The following FAM107B variants were observed in gnomAD, a reference collection of about 807,000 sequenced individuals.
FAM107B encodes the protein protein FAM107B.
A neutral mutation model predicts 31.5 loss-of-function variants in FAM107B; 21 were observed. That is an observed-to-expected ratio of 0.67 (90% CI 0.47 to 0.96). The LOEUF (loss-of-function observed/expected upper bound fraction) is 0.96, where lower values mean the gene tolerates loss of function less well. FAM107B is among the 40% of genes least tolerant of loss of function. The pLI, the probability that FAM107B is intolerant of heterozygous loss-of-function variation, is 0.00. For missense variants in FAM107B, 452 were observed against 377.1 expected, an observed-to-expected ratio of 1.20 and a Z score of -1.64; for synonymous variants, 157 against 141.5, an observed-to-expected ratio of 1.11 and a Z score of -0.78.
intron 2 of FAM107B, among the ~76,000 whole-genome samples, chr10:14,634,362 T>TG (rs1322030295): frequency 2.0e-5 from 3 of 147,600 alleles, no homozygotes; most frequent in African/African-American, 7.6e-5. Flanking sequence ...AGCATGCCAC[T>TG]GCACTCCAGC....
intron 1 of FAM107B, among the ~76,000 whole-genome samples, chr10:14,760,840 C>T (rs1001245227): frequency 2.6e-5 from 4 of 151,696 alleles, no homozygotes; most frequent in African/African-American, 4.8e-5. Context: ...GGTGAAACCC[C>T]GTCTCTACTA....
chr10:14,722,430 T>C (rs190401140), intron 1 of FAM107B, among the ~76,000 whole-genome samples: 2 of 152,364 alleles, frequency 1.3e-5, no homozygotes, highest in African/African-American at 2.4e-5. Flanking sequence ...ATGCTGCTTT[T>C]CCATATATCA....
intron 2 of FAM107B, among the ~76,000 whole-genome samples, chr10:14,630,603 C>T (rs781240945): frequency 2.6e-5 from 4 of 152,070 alleles, no homozygotes; most frequent in East Asian, 1.9e-4. Flanking sequence ...GTGGGAGGAT[C>T]GCTTGAGCCC....
At chr10:14,710,757 G>C (rs1168216726) in intron 1 of FAM107B, among the ~76,000 whole-genome samples, 2 of 152,042 alleles carry the variant, frequency 1.3e-5, no homozygotes, top group Non-Finnish European at 2.9e-5. Context: ...CAAGATTATA[G>C]AGTATGGATA....
intron 1 of FAM107B, among the ~76,000 whole-genome samples, chr10:14,671,883 AAC>A (rs72438653): frequency 0.43 from 41,885 of 97,168 alleles, 6,710 homozygotes; most frequent in Non-Finnish European, 0.5. Flanking sequence ...AAAAAAAAAA[AAC>A]AAAAAAACAA....
chr10:14,694,165 G>A lies in FAM107B; in HGVS notation c.412-26474C>T, dbSNP rs185832027. Reference sequence around the variant, plus strand: ...CCATAGCTTAGCTAGTAGGAATAATGCTGCAGGGAACCTGAGGGTAAAGAT... The same window carrying A: ...CCATAGCTTAGCTAGTAGGAATAATACTGCAGGGAACCTGAGGGTAAAGAT... On this transcript the variant is annotated intron_variant, in intron 1 of 4. Coordinates refer to ENST00000181796, the MANE Select transcript of FAM107B (RefSeq NM_031453.4). Among the ~76,000 whole-genome samples the A allele has an allele frequency of 1.0e-3, 156 of 152,312 alleles. 1 individual carries two copies. Among genetic ancestry groups the A allele is most frequent in the Non-Finnish European group, 1.9e-3 (127 of 68,020 alleles).
At chr10:14,602,175 G>C (rs545042107) in intron 2 of FAM107B, among the ~76,000 whole-genome samples, 2 of 152,234 alleles carry the variant, frequency 1.3e-5, no homozygotes, top group South Asian at 4.1e-4. Context: ...TTCACTCACA[G>C]GCTACTACTG....
chr10:14,613,274 T>A (rs1442121016), intron 2 of FAM107B, among the ~76,000 whole-genome samples: 3 of 152,144 alleles, frequency 2.0e-5, no homozygotes, highest in Admixed American at 2.0e-4. Context: ...ACCGAGCCCA[T>A]AAACTTTCAA....
At chr10:14,550,601 C>T (rs905937806) in intron 2 of FAM107B, among the ~76,000 whole-genome samples, 2 of 152,200 alleles carry the variant, frequency 1.3e-5, no homozygotes, top group African/African-American at 4.8e-5. Context: ...AAATGCTCCA[C>T]CTGATACGAA....
At chr10:14,726,508 C>G (rs1856039838) in intron 1 of FAM107B, among the ~76,000 whole-genome samples, 2 of 152,146 alleles carry the variant, frequency 1.3e-5, no homozygotes, top group African/African-American at 4.8e-5. Context: ...GACAGTCAAG[C>G]ATTTGTCAGG....
Position 14,679,761 on chromosome 10 carries a change from G to T in FAM107B, c.412-12070C>A, listed in dbSNP as rs538990442. 7.2e-5 allele frequency among the ~76,000 whole-genome samples: 11 copies of T among 152,290 alleles called. No homozygotes were observed. In the South Asian group the frequency reaches 1.7e-3, roughly 23 times the overall value. On this transcript the variant is annotated intron_variant, in intron 1 of 4. Transcript: ENST00000181796. ...AAAGGAGATTAACATTTGAGACAGT[G>T]GACTGGGAAAGGCAGACCCACCCTC...
At chr10:14,646,526 G>A (rs1236324213) in intron 2 of FAM107B, among the ~76,000 whole-genome samples, 4 of 152,262 alleles carry the variant, frequency 2.6e-5, no homozygotes, top group South Asian at 4.1e-4. Context: ...TAGCTGAGGC[G>A]TATTCCATAG....
At chr10:14,717,972 GT>G (rs1210639141) in intron 1 of FAM107B, among the ~76,000 whole-genome samples, 1 of 152,306 alleles carries the variant, frequency 6.6e-6, no homozygotes, top group Non-Finnish European at 1.5e-5. Context: ...TTGGAGGAAA[GT>G]TTTTAGCTAA....
chr10:14,572,739 T>TTTATATATATATATATATA (rs1325278545), intron 2 of FAM107B, among the ~76,000 whole-genome samples: 23 of 91,964 alleles, frequency 2.5e-4, no homozygotes, highest in Admixed American at 7.3e-4. Context: ...AAAAAAAAAT[T>TTTATATATATATATATATA]TATATATATA....
intron 3 of FAM107B, chr10:14,529,856 A>C (rs1189179262): frequency 6.5e-6 from 1 of 153,076 alleles, no homozygotes; most frequent in Non-Finnish European, 1.5e-5. Context: ...CCCCCAAACA[A>C]ACAAAAACAT....
intron 2 of FAM107B, chr10:14,555,813 A>T (rs1849640133): frequency 6.6e-6 from 1 of 152,116 alleles, no homozygotes; most frequent in Admixed American, 6.6e-5. Flanking sequence ...GCATCAAAGT[A>T]TTCTCACCTG....
chr10:14,619,005 C>T (rs1194371513), intron 2 of FAM107B, among the ~76,000 whole-genome samples: 1 of 151,978 alleles, frequency 6.6e-6, no homozygotes, highest in Non-Finnish European at 1.5e-5. Flanking sequence ...AGTGATGTAT[C>T]AATAAGCTAA....
chr10:14,667,830 G>C, intron 1 of FAM107B, 139 bp from the exon 2 acceptor site: 1 of 808,758 alleles, frequency 1.2e-6, no homozygotes, highest in Non-Finnish European at 2.0e-6. Flanking sequence ...AAAGAACTGA[G>C]GTTTTGGACA....
At chr10:14,527,737 A>T (rs1846448395) in intron 3 of FAM107B, among the ~76,000 whole-genome samples, 1 of 152,246 alleles carries the variant, frequency 6.6e-6, no homozygotes, top group Admixed American at 6.5e-5. Flanking sequence ...TTATTACAAT[A>T]CCATGCAGTA....
Sources: allele counts gnomAD v4.1 joint callset (sites outside exome capture counted in the v4.1 genomes callset), GRCh38; gene constraint gnomAD v4.1.1; transcripts MANE v1.5; gene names NCBI Gene and HGNC (gene_info 2026-07-23, HGNC 2026-07-21).